The following FBXO42 variants were observed in gnomAD, a reference collection of about 807,000 sequenced individuals.
FBXO42 encodes F-box protein 42.
A neutral mutation model predicts 71.7 loss-of-function variants in FBXO42; 12 were observed. The ratio of observed to expected loss-of-function variants is 0.17; its 90% CI spans 0.11 to 0.27. FBXO42 has a LOEUF of 0.27. FBXO42 is among the 10% of genes least tolerant of loss of function. FBXO42 has a pLI of 1.00. For missense variants in FBXO42, 707 were observed against 911.9 expected, an observed-to-expected ratio of 0.78 and a Z score of 2.89; for synonymous variants, 325 against 327.5, an observed-to-expected ratio of 0.99 and a Z score of 0.08.
At chr1:16,309,054 T>C (rs1404463144) in intron 2 of FBXO42, among the ~76,000 whole-genome samples, 3 of 105,256 alleles carry the variant, frequency 2.9e-5, no homozygotes, top group African/African-American at 1.1e-4. Context: ...GGAGACCCCA[T>C]CTCTTTTTTT....
intron 1 of FBXO42, among the ~76,000 whole-genome samples, chr1:16,350,662 G>A (rs1481521248): frequency 1.4e-5 from 2 of 146,476 alleles, no homozygotes; most frequent in African/African-American, 5.0e-5. Flanking sequence ...CAGGAGAATC[G>A]CTTAAACCCA....
intron 1 of FBXO42, among the ~76,000 whole-genome samples, chr1:16,348,216 T>C (rs1395880160): frequency 6.6e-6 from 1 of 152,098 alleles, no homozygotes; most frequent in Non-Finnish European, 1.5e-5. Flanking sequence ...AGATGGTATA[T>C]GTTCAATAAT....
chr1:16,308,428 C>T (rs11583228), intron 2 of FBXO42, among the ~76,000 whole-genome samples: 28,827 of 151,630 alleles, frequency 0.19, 3,156 homozygotes, highest in Non-Finnish European at 0.24. Context: ...GGCTGTAGTG[C>T]ACAATGATCC....
chr1:16,310,241 A>C (rs1351697606), intron 2 of FBXO42, among the ~76,000 whole-genome samples: 2 of 151,688 alleles, frequency 1.3e-5, no homozygotes, highest in Non-Finnish European at 2.9e-5. Context: ...TGCACCTGTA[A>C]TCCCAGCTAC....
chr1:16,337,644 A>C (rs1280302051), intron 1 of FBXO42, among the ~76,000 whole-genome samples: 2 of 151,978 alleles, frequency 1.3e-5, no homozygotes, highest in Non-Finnish European at 2.9e-5. Context: ...GCACTTTGGG[A>C]GGCCAAGGTG....
intron 1 of FBXO42, among the ~76,000 whole-genome samples, chr1:16,315,882 G>A (rs151174525): frequency 6.6e-6 from 1 of 152,060 alleles, no homozygotes; most frequent in Non-Finnish European, 1.5e-5. Flanking sequence ...AGAAATAACC[G>A]TTTTTCGACC....
intron 1 of FBXO42, among the ~76,000 whole-genome samples, chr1:16,317,665 T>C (rs1437239430): frequency 6.6e-6 from 1 of 151,782 alleles, no homozygotes; most frequent in Non-Finnish European, 1.5e-5. Context: ...GGCTCATGCC[T>C]ATAATCCCAA....
At chr1:16,289,261 C>T (rs1025566833) in intron 4 of FBXO42, among the ~76,000 whole-genome samples, 1 of 151,758 alleles carries the variant, frequency 6.6e-6, no homozygotes, top group Non-Finnish European at 1.5e-5. Context: ...GAAAATGTCC[C>T]GATGTGGGGG....
At position 16,307,138 on chromosome 1, in the gene FBXO42, C is replaced by T. The variant is rs939564165; in HGVS notation, c.251-1219G>A. ...AACTCCCCACCTCAGGCGATCCACC[C>T]GCCTAAGCCTCCCAAAATGTTGGGA... On this transcript the variant is annotated intron_variant, in intron 2 of 9. Transcript: ENST00000375592. Among the ~76,000 whole-genome samples, 8 of 152,224 alleles carry T rather than the reference C, an allele frequency of 5.3e-5. No homozygotes were observed. In the South Asian group the frequency reaches 1.2e-3, roughly 24 times the overall value.
At chr1:16,330,936 C>G (rs1253770704) in intron 1 of FBXO42, among the ~76,000 whole-genome samples, 2 of 151,684 alleles carry the variant, frequency 1.3e-5, no homozygotes, top group African/African-American at 4.8e-5. Flanking sequence ...GAGCAAGACT[C>G]TGTCTCAAAA....
chr1:16,349,649 T>C (rs532154018), intron 1 of FBXO42, among the ~76,000 whole-genome samples: 1 of 152,128 alleles, frequency 6.6e-6, no homozygotes, highest in Non-Finnish European at 1.5e-5. Flanking sequence ...TCGCCTGCGG[T>C]CAGGAGTTCA....
rs772129973 is a variant in FBXO42, at chr1:16,251,171, G to A, written c.1653C>T (p.Val551=). 6.2e-7 allele frequency: 1 copy of A among 1,614,196 alleles called. No homozygotes were observed. Among genetic ancestry groups the A allele is most frequent in the Non-Finnish European group, 8.5e-7 (1 of 1,180,046 alleles). ...GACTCCGACGCAGGGCACCTGGGGA[G>A]ACGGCCCCTGCAAGGGCACTGGCCA... The part of the protein sequence containing the change: ...PHVASALAGA[V]SPGALRRSLE... Residue 551 remains valine, a synonymous_variant, in exon 10 of 10, where the codon GTC becomes GTT. Transcript: ENST00000375592. This position sits in a 1 kb window ranked among gnomAD's most constrained non-coding sequence, Gnocchi z 4.5.
At chr1:16,273,575 C>A (rs1272326223) in intron 4 of FBXO42, among the ~76,000 whole-genome samples, 6 of 146,610 alleles carry the variant, frequency 4.1e-5, no homozygotes, top group African/African-American at 1.6e-4. Context: ...AACAGGAGAA[C>A]AACTTAAAAA....
At chr1:16,267,657 C>T (rs2081792758) in intron 4 of FBXO42, among the ~76,000 whole-genome samples, 2 of 152,094 alleles carry the variant, frequency 1.3e-5, no homozygotes, top group Non-Finnish European at 2.9e-5. Flanking sequence ...TTTTTTTCTT[C>T]CTATTTTACT....
chr1:16,254,641 A>T (rs570814696), intron 6 of FBXO42, among the ~76,000 whole-genome samples: 1 of 152,354 alleles, frequency 6.6e-6, no homozygotes, highest in Admixed American at 6.5e-5. Context: ...ACTGTTTTAA[A>T]ATATGAAGAT....
rs1391290915 is a variant in FBXO42, at chr1:16,352,447, CT to C, written c.-211del. ...CACTCAAACGCCGCCGCCGCCGCAG[CT>C]GCTGCTGCTCAGGCCGGGAGAAGAC... On this transcript the variant is annotated 5_prime_UTR_variant, in exon 1 of 10. Coordinates refer to ENST00000375592, the MANE Select transcript of FBXO42 (RefSeq NM_018994.3). 4.3e-5 allele frequency: 17 copies of C among 398,532 alleles called. No homozygotes were observed. The highest frequency in any genetic ancestry group is 6.2e-5 in the African/African-American group (3 of 48,572). 24.7% of individuals were successfully genotyped at this position (398,532 alleles called of 1,614,324 possible).
At chr1:16,342,538 G>A (rs946759774) in intron 1 of FBXO42, among the ~76,000 whole-genome samples, 3 of 145,218 alleles carry the variant, frequency 2.1e-5, no homozygotes, top group Non-Finnish European at 3.0e-5. Flanking sequence ...AACCGTGATC[G>A]CCCACTGCAC....
chr1:16,345,460 G>A lies in FBXO42; in HGVS notation c.-18+6795C>T, dbSNP rs114512524. ...GAATAAAATAAAATAAAATTTTCTA[G>A]TTGTGACTACTGAAAGGACCTAGAA... On this transcript the variant is annotated intron_variant, in intron 1 of 9. Coordinates refer to ENST00000375592, the MANE Select transcript of FBXO42 (RefSeq NM_018994.3). 4.0e-3 allele frequency among the ~76,000 whole-genome samples: 605 copies of A among 152,044 alleles called. 2 individuals are homozygous for A. The highest frequency in any genetic ancestry group is 6.6e-3 in the Non-Finnish European group (450 of 67,978).
At position 16,258,729 on chromosome 1, in the gene FBXO42, TGA is replaced by T. The variant is rs962500066; in HGVS notation, c.503-1972_503-1971del. ...AGACCACAGGAACTGACTGTAGAAATGAGTCTTTATTTATTTATTAATCTTGA... is the reference window on the plus strand; with the variant it reads ...AGACCACAGGAACTGACTGTAGAAATGTCTTTATTTATTTATTAATCTTGA... On this transcript the variant is annotated intron_variant, in intron 4 of 9. Transcript: ENST00000375592. Among the ~76,000 whole-genome samples the T allele has an allele frequency of 9.2e-5, 14 of 151,980 alleles. 1 individual carries two copies. The South Asian group carries it at 2.9e-3, about 32-fold the overall frequency.
Sources: gnomAD v4.1 joint callset for allele counts (sites outside exome capture counted in the v4.1 genomes callset) on GRCh38, gnomAD v4.1.1 for gene constraint, Gnocchi (gnomAD v3.1) non-coding constraint, MANE v1.5 for transcripts, NCBI Gene and HGNC (gene_info 2026-07-23, HGNC 2026-07-21) for gene names.